ZBTB25: variants seen among roughly 807,000 people sequenced by gnomAD.
ZBTB25 encodes the protein zinc finger and BTB domain containing 25.
A neutral mutation model predicts 34.2 loss-of-function variants in ZBTB25; 20 were observed. The ratio of observed to expected loss-of-function variants is 0.58; its 90% CI spans 0.41 to 0.85. ZBTB25 has a LOEUF of 0.85. Among genes scored for constraint, ZBTB25 ranks in the 40% least tolerant of loss-of-function variants. The pLI is 0.00. For synonymous variants in ZBTB25, 175 were observed against 186.4 expected (o/e 0.94, Z 0.50); for missense variants, 437 against 521.8 (o/e 0.84, Z 1.58).
chr14:64,473,331 A>G (rs1004322835), downstream of ZBTB25: 4 of 167,226 alleles, frequency 2.4e-5, no homozygotes, highest in South Asian at 2.1e-4. Flanking sequence ...AGCTGTCTGC[A>G]TAATTTTCCT....
Position 64,487,092 on chromosome 14 carries a change from CG to C in ZBTB25, c.1138del (p.Arg380AspfsTer25). On this transcript the variant is annotated frameshift_variant, in exon 3 of 3. Transcript: ENST00000608382. LOFTEE classifies it high-confidence loss of function. Reference protein sequence around the residue: ...THKGKSYRYNRCQRFGNALAQ... With the variant: ...THKGKSYRYNXCQRFGNALAQ... ...CAATGCATTACCAAACCTTTGGCAT[CG>C]GTTATATCTGTAAGATTTACCTTTG... 1.9e-6 allele frequency: 3 copies of C among 1,614,150 alleles called. No individual in the cohort carries two copies. Among genetic ancestry groups the C allele is most frequent in the Non-Finnish European group, 2.5e-6 (3 of 1,180,032 alleles).
chr14:64,476,743 A>C (rs1872448426), downstream of ZBTB25, among the ~76,000 whole-genome samples: 3 of 152,180 alleles, frequency 2.0e-5, no homozygotes, highest in Admixed American at 6.5e-5. Context: ...GGTAAAAAAA[A>C]AAGTCAAACT....
rs977581883 is a variant in ZBTB25 at position 64,478,535 on chromosome 14, A to G, written c.*8388T>C. The G allele has an allele frequency of 2.6e-5, 4 of 152,194 alleles. No individual in the cohort carries two copies. The highest frequency in any genetic ancestry group is 9.6e-5 in the African/African-American group (4 of 41,462). The allele number at this position is 152,194 out of a possible 1,614,324, so 9.4% of individuals were successfully genotyped here. A position where few individuals can be genotyped will look rare whatever the true frequency, so the allele number is the denominator to read the frequency against. The stretch of plus-strand genomic sequence containing the variant: ...TGTCTTGACCAGGCAGAACACCAAA[A>G]ACTGAGTGTGATGCCTGATTAAAAG... On this transcript the variant is annotated 3_prime_UTR_variant, in exon 3 of 3. Coordinates refer to ENST00000608382, the MANE Select transcript of ZBTB25 (RefSeq NM_006977.5).
intron 2 of ZBTB25, chr14:64,469,034 C>G: frequency 6.2e-7 from 1 of 1,614,158 alleles, no homozygotes; most frequent in Middle Eastern, 1.6e-4. Flanking sequence ...TTCAGTAGAA[C>G]TTGGATTAGA....
intron 2 of ZBTB25, chr14:64,457,908 C>G: frequency 4.5e-6 from 2 of 445,614 alleles, no homozygotes; most frequent in Admixed American, 3.6e-5. Context: ...GATGACTTTA[C>G]GTTTATTTTA....
rs1461375825 is a variant in ZBTB25, at chr14:64,483,085, A to G, written c.*3838T>C. 6.6e-6 allele frequency: 1 copy of G among 152,240 alleles called. No individual in the cohort carries two copies. The highest frequency in any genetic ancestry group is 1.9e-4 in the East Asian group (1 of 5,206). The allele number at this position is 152,240 out of a possible 1,614,324, so 9.4% of individuals were successfully genotyped here. ...AGAAAACAACTGCGTGAGATTTCAA[A>G]AGAAGGAAAAATTTTAAGCTGACTC... On this transcript the variant is annotated 3_prime_UTR_variant, in exon 3 of 3. Transcript: ENST00000608382.
At chr14:64,473,041 T>A (rs2078690949) in intron 2 of ZBTB25, 2 of 167,082 alleles carry the variant, frequency 1.2e-5, no homozygotes. Flanking sequence ...TAGCTACTTG[T>A]TAACTTTTTC....
Position 64,484,841 on chromosome 14 carries a change from C to T in ZBTB25, c.*2082G>A, listed in dbSNP as rs533127382. ...AAAATACAAAAAATCAATGTTAATACTTGTGTTCTTCCAATGAGATGATAT... is the reference window on the plus strand; with the variant it reads ...AAAATACAAAAAATCAATGTTAATATTTGTGTTCTTCCAATGAGATGATAT... On this transcript the variant is annotated 3_prime_UTR_variant, in exon 3 of 3. Coordinates refer to ENST00000608382, the MANE Select transcript of ZBTB25 (RefSeq NM_006977.5). The T allele has an allele frequency of 1.0e-5, 2 of 198,860 alleles. No individual in the cohort carries two copies. Among genetic ancestry groups the T allele is most frequent in the Admixed American group, 1.3e-4 (2 of 15,328 alleles). 12.3% of individuals were successfully genotyped at this position (198,860 alleles called of 1,614,324 possible). A position where few individuals can be genotyped will look rare whatever the true frequency, so the allele number is the denominator to read the frequency against.
chr14:64,501,738 C>CA (rs976485901), intron 1 of ZBTB25, among the ~76,000 whole-genome samples: 1 of 152,222 alleles, frequency 6.6e-6, no homozygotes, highest in Non-Finnish European at 1.5e-5. Context: ...CTTCCCAGCA[C>CA]AGCCCTGGCC....
At chr14:64,502,817 T>C in intron 1 of ZBTB25, 5 of 967,830 alleles carry the variant, frequency 5.2e-6, no homozygotes, top group Non-Finnish European at 6.1e-6. Context: ...GTGTCTTCTC[T>C]GTAAAACGAG....
downstream of ZBTB25, among the ~76,000 whole-genome samples, chr14:64,476,348 C>T (rs893799073): frequency 6.6e-6 from 1 of 152,210 alleles, no homozygotes; most frequent in Non-Finnish European, 1.5e-5. Flanking sequence ...GTTTTTGAGA[C>T]GAAGTCTCGT....
At chr14:64,477,662 CCAGGTTCTT>C (rs1386833082), downstream of ZBTB25, among the ~76,000 whole-genome samples, 1 of 152,196 alleles carries the variant, frequency 6.6e-6, no homozygotes, top group Non-Finnish European at 1.5e-5. Flanking sequence ...CAGAACCACT[CCAGGTTCTT>C]CAGGTTTTCC....
chr14:64,466,320 T>C (rs755939642), intron 2 of ZBTB25, among the ~76,000 whole-genome samples: 1 of 152,248 alleles, frequency 6.6e-6, no homozygotes, highest in Non-Finnish European at 1.5e-5. Flanking sequence ...AAGTTTCTGT[T>C]TGGGTATTCG....
intron 2 of ZBTB25, chr14:64,453,930 C>A: frequency 2.1e-6 from 2 of 947,036 alleles, no homozygotes; most frequent in Non-Finnish European, 3.4e-6. Flanking sequence ...ATCTCTGGGT[C>A]CTCCCAGCCC....
intron 1 of ZBTB25, chr14:64,502,901 A>G: frequency 1.0e-5 from 10 of 985,426 alleles, no homozygotes; most frequent in Non-Finnish European, 1.2e-5. Flanking sequence ...CTTTACATAC[A>G]TGACAGAATC....
At chr14:64,490,813 A>C (rs2079050870) in intron 1 of ZBTB25, among the ~76,000 whole-genome samples, 2 of 152,240 alleles carry the variant, frequency 1.3e-5, no homozygotes, top group East Asian at 1.9e-4. Flanking sequence ...TATGAGTGAC[A>C]CATGAAGACA....
intron 1 of ZBTB25, among the ~76,000 whole-genome samples, chr14:64,491,697 C>T (rs1383572544): frequency 6.6e-6 from 1 of 152,132 alleles, no homozygotes; most frequent in Non-Finnish European, 1.5e-5. Context: ...CTCTACCCTA[C>T]TGTGGAGAGA....
Position 64,486,380 on chromosome 14 carries a change from A to T in ZBTB25, c.*543T>A, listed in dbSNP as rs190535175. 695 of 985,406 alleles carry T rather than the reference A, an allele frequency of 7.1e-4. 3 individuals carry two copies. In the Middle Eastern group the frequency reaches 0.014, roughly 20 times the overall value. The allele number at this position is 985,406 out of a possible 1,614,324, so 61.0% of individuals were successfully genotyped here. A position where few individuals can be genotyped will look rare whatever the true frequency, so the allele number is the denominator to read the frequency against. On this transcript the variant is annotated 3_prime_UTR_variant, in exon 3 of 3. Transcript: ENST00000608382. The stretch of plus-strand genomic sequence containing the variant: ...TAAGATGTTGTGGAGCTAGTAGTTA[A>T]AAAATAAAACTACTCATGATTTGGT...
chr14:64,459,255 T>C (rs183618000), intron 2 of ZBTB25, among the ~76,000 whole-genome samples: 5 of 152,316 alleles, frequency 3.3e-5, no homozygotes, highest in Admixed American at 2.0e-4. Context: ...ACGTGAGTTT[T>C]GGGAAACTGA....
Sources: allele counts gnomAD v4.1 joint callset (sites outside exome capture counted in the v4.1 genomes callset), GRCh38; gene constraint gnomAD v4.1.1; transcripts MANE v1.5; gene names NCBI Gene and HGNC (gene_info 2026-07-23, HGNC 2026-07-21).